The following RFX3 variants were observed in gnomAD, a reference collection of about 807,000 sequenced individuals.
The protein encoded by RFX3 is transcription factor RFX3.
In RFX3, 14 loss-of-function variants were observed where a neutral mutation model predicts 98.6. The ratio of observed to expected loss-of-function variants is 0.14; its 90% CI spans 0.09 to 0.22. The LOEUF is 0.22. Ranked by LOEUF, RFX3 falls within the 10% of genes least tolerant of loss-of-function variation. The pLI is 1.00. For missense variants in RFX3, 639 were observed against 926.9 expected (o/e 0.69, Z 4.03); for synonymous variants, 383 against 328.4 (o/e 1.17, Z -1.80).
intron 1 of RFX3, among the ~76,000 whole-genome samples, chr9:3,416,937 G>A (rs894214452): frequency 6.6e-6 from 1 of 151,920 alleles, no homozygotes; most frequent in African/African-American, 2.4e-5. Context: ...AAGAGACAGA[G>A]ATTGTCAAAC....
At chr9:3,338,736 A>G (rs1833505130) in intron 3 of RFX3, among the ~76,000 whole-genome samples, 1 of 152,188 alleles carries the variant, frequency 6.6e-6, no homozygotes, top group African/African-American at 2.4e-5. Context: ...CCATTGTACT[A>G]GTTGATACTA....
chr9:3,296,161 G>C (rs938056820), intron 5 of RFX3, among the ~76,000 whole-genome samples: 11 of 151,784 alleles, frequency 7.2e-5, no homozygotes, highest in African/African-American at 2.4e-4. Flanking sequence ...AAAAGTAAAA[G>C]CTAGTACAAA....
At chr9:3,387,124 A>T (rs1002495967) in intron 2 of RFX3, among the ~76,000 whole-genome samples, 1 of 152,138 alleles carries the variant, frequency 6.6e-6, no homozygotes, top group African/African-American at 2.4e-5. Flanking sequence ...TTCAGCATGC[A>T]GCTCAAGGGT....
In RFX3 at chr9:3,330,529, G is replaced by T. The variant is rs748045110; in HGVS notation, c.216-12C>A. ...ACGTTGTTGTTCGGCTTTAGAAGAA[G>T]AAGAAAAAAGAAATTTACTAGCTTA... On this transcript the variant is annotated splice_polypyrimidine_tract_variant and intron_variant, in intron 3 of 16. Transcript: ENST00000617270. The T allele has an allele frequency of 1.3e-6, 2 of 1,577,104 alleles. No homozygotes were observed. The highest frequency in any genetic ancestry group is 2.7e-5 in the African/African-American group (2 of 73,128).
At chr9:3,226,694 C>T (rs948835992) in intron 16 of RFX3, among the ~76,000 whole-genome samples, 1 of 152,018 alleles carries the variant, frequency 6.6e-6, no homozygotes, top group Non-Finnish European at 1.5e-5. Context: ...GGTTGGAGGG[C>T]TACAGGGAGA....
At chr9:3,261,361 C>T (rs894090068) in intron 13 of RFX3, among the ~76,000 whole-genome samples, 1 of 152,064 alleles carries the variant, frequency 6.6e-6, no homozygotes, top group South Asian at 2.1e-4. Flanking sequence ...ATAGATGTAT[C>T]TATTCTGGAA....
At chr9:3,395,962 G>A (rs1463177968) in intron 1 of RFX3, among the ~76,000 whole-genome samples, 2 of 151,978 alleles carry the variant, frequency 1.3e-5, no homozygotes, top group African/African-American at 4.8e-5. Flanking sequence ...CTACCTGGAT[G>A]TAAGTGTCAT....
intron 1 of RFX3, among the ~76,000 whole-genome samples, chr9:3,447,023 G>A (rs1368126791): frequency 1.3e-5 from 2 of 152,000 alleles, no homozygotes; most frequent in Admixed American, 6.6e-5. Context: ...TTACTTATTC[G>A]TTGAGGAAAA....
chr9:3,303,606 A>T (rs1035759999), intron 4 of RFX3, among the ~76,000 whole-genome samples: 1 of 151,998 alleles, frequency 6.6e-6, no homozygotes, highest in South Asian at 2.1e-4. Context: ...GTTTGTTAAT[A>T]AGCACTTTTC....
At chr9:3,446,639 A>C (rs899599273) in intron 1 of RFX3, among the ~76,000 whole-genome samples, 1 of 152,006 alleles carries the variant, frequency 6.6e-6, no homozygotes, top group African/African-American at 2.4e-5. Flanking sequence ...ACCATTTAAA[A>C]TTTCAGACTC....
chr9:3,287,444 G>C (rs1326117778), intron 7 of RFX3, among the ~76,000 whole-genome samples: 4 of 151,936 alleles, frequency 2.6e-5, no homozygotes, highest in Non-Finnish European at 5.9e-5. Flanking sequence ...AAGGCCCTTA[G>C]CTATGCAACT....
At chr9:3,264,700 C>T (rs1366962744) in intron 12 of RFX3, among the ~76,000 whole-genome samples, 1 of 152,126 alleles carries the variant, frequency 6.6e-6, no homozygotes, top group Non-Finnish European at 1.5e-5. Context: ...ATTTTGATTC[C>T]AAAAGCCACA....
chr9:3,377,627 G>A (rs897027160), intron 2 of RFX3, among the ~76,000 whole-genome samples: 1 of 152,026 alleles, frequency 6.6e-6, no homozygotes, highest in African/African-American at 2.4e-5. Context: ...ATCATTTATT[G>A]GAAATTCAAA....
chr9:3,423,886 G>A (rs1307343896), intron 1 of RFX3, among the ~76,000 whole-genome samples: 1 of 149,502 alleles, frequency 6.7e-6, no homozygotes, highest in Non-Finnish European at 1.5e-5. Context: ...GGTGGCTCAC[G>A]CCTGTAATCC....
chr9:3,437,579 T>G (rs1304204775), intron 1 of RFX3, among the ~76,000 whole-genome samples: 3 of 152,096 alleles, frequency 2.0e-5, no homozygotes, highest in Non-Finnish European at 4.4e-5. Context: ...GAGAAGTTAT[T>G]TTTCTTCAGT....
chr9:3,388,976 G>A (rs999323478), intron 2 of RFX3, among the ~76,000 whole-genome samples: 5 of 152,098 alleles, frequency 3.3e-5, no homozygotes, highest in Non-Finnish European at 5.9e-5. Context: ...GACTACAGTT[G>A]CAAAGGCAGT....
chr9:3,260,982 T>C (rs1258050055), intron 13 of RFX3, among the ~76,000 whole-genome samples: 1 of 151,486 alleles, frequency 6.6e-6, no homozygotes, highest in Non-Finnish European at 1.5e-5. Context: ...CTAATTTTTA[T>C]CGTACTCTAA....
chr9:3,498,403 T>C (rs1466859620), intron 1 of RFX3, among the ~76,000 whole-genome samples: 1 of 152,000 alleles, frequency 6.6e-6, no homozygotes, highest in African/African-American at 2.4e-5. Flanking sequence ...TATATGAACA[T>C]CCCTTGAATC....
chr9:3,346,386 A>T (rs1158840650), intron 3 of RFX3, among the ~76,000 whole-genome samples: 1 of 152,182 alleles, frequency 6.6e-6, no homozygotes, highest in Non-Finnish European at 1.5e-5. Flanking sequence ...TATCACTAAC[A>T]AGGGGTATAT....
Sources: allele counts gnomAD v4.1 joint callset (sites outside exome capture counted in the v4.1 genomes callset), GRCh38; gene constraint gnomAD v4.1.1; transcripts MANE v1.5; gene names NCBI Gene and HGNC (gene_info 2026-07-23, HGNC 2026-07-21).